NSMCE2: variants seen among roughly 807,000 people sequenced by gnomAD.
NSMCE2 encodes E3 SUMO-protein ligase NSE2.
In NSMCE2, 24 loss-of-function variants were observed where a neutral mutation model predicts 23.8. That is an observed-to-expected ratio of 1.01 (90% CI 0.73 to 1.42). The LOEUF (loss-of-function observed/expected upper bound fraction) is 1.42. NSMCE2 is among the 40% of genes most tolerant of loss of function. The pLI is 0.00. For missense variants in NSMCE2, 284 were observed against 296.5 expected, an observed-to-expected ratio of 0.96 and a Z score of 0.31; for synonymous variants, 92 against 94.1, an observed-to-expected ratio of 0.98 and a Z score of 0.13.
intron 7 of NSMCE2, 70 bp from the exon 8 acceptor site, chr8:125,366,698 C>G: frequency 1.2e-6 from 1 of 861,656 alleles, no homozygotes; most frequent in Non-Finnish European, 1.9e-6. Flanking sequence ...TACTTAAACA[C>G]TTGAGTATAA....
intron 5 of NSMCE2, among the ~76,000 whole-genome samples, chr8:125,202,590 G>A (rs552911640): frequency 6.6e-6 from 1 of 152,112 alleles, no homozygotes; most frequent in Non-Finnish European, 1.5e-5. Context: ...AGCCCACAGA[G>A]TTGTTTATGG....
intron 5 of NSMCE2, among the ~76,000 whole-genome samples, chr8:125,239,079 T>A (rs1053539942): frequency 6.6e-6 from 1 of 152,220 alleles, no homozygotes; most frequent in Non-Finnish European, 1.5e-5. Context: ...TCCTTTGATG[T>A]TAATGAGGAA....
intron 5 of NSMCE2, among the ~76,000 whole-genome samples, chr8:125,325,379 C>G (rs1829625915): frequency 6.6e-6 from 1 of 152,154 alleles, no homozygotes; most frequent in Admixed American, 6.5e-5. Context: ...ATTCTGGGGT[C>G]TCACTCTGTC....
At chr8:125,284,046 T>C (rs1827798181) in intron 5 of NSMCE2, among the ~76,000 whole-genome samples, 1 of 151,516 alleles carries the variant, frequency 6.6e-6, no homozygotes, top group Non-Finnish European at 1.5e-5. Context: ...CTCAGCTACT[T>C]GGGAGGCTTA....
chr8:125,214,926 C>G (rs573735260), intron 5 of NSMCE2, among the ~76,000 whole-genome samples: 1 of 152,258 alleles, frequency 6.6e-6, no homozygotes, highest in South Asian at 2.1e-4. Flanking sequence ...CATTAGCCAC[C>G]TCCAGAACTT....
At chr8:125,294,382 T>TG (rs1828240878) in intron 5 of NSMCE2, among the ~76,000 whole-genome samples, 1 of 72,400 alleles carries the variant, frequency 1.4e-5, no homozygotes, top group Non-Finnish European at 2.6e-5. Context: ...ACTGCCAGAC[T>TG]TTTCCAAAAG....
chr8:125,357,501 T>A (rs1813334052), intron 6 of NSMCE2, among the ~76,000 whole-genome samples, 182 bp downstream of exon 6: 1 of 152,254 alleles, frequency 6.6e-6, no homozygotes, highest in Admixed American at 6.5e-5. Flanking sequence ...CAGTCAATCA[T>A]GCCCTGAAGG....
chr8:125,202,776 ATTC>A (rs1281199400), intron 5 of NSMCE2, among the ~76,000 whole-genome samples: 2 of 152,228 alleles, frequency 1.3e-5, no homozygotes, highest in Non-Finnish European at 2.9e-5. Context: ...ATTGGCATGA[ATTC>A]TTAAGCATAA....
At chr8:125,154,774 CT>C (rs1238063425) in intron 4 of NSMCE2, among the ~76,000 whole-genome samples, 2 of 151,980 alleles carry the variant, frequency 1.3e-5, no homozygotes, top group Non-Finnish European at 1.5e-5. Flanking sequence ...CAGATACACA[CT>C]TTTTTTTAAT....
intron 5 of NSMCE2, among the ~76,000 whole-genome samples, chr8:125,196,056 T>G (rs1051432380): frequency 1.3e-5 from 2 of 151,732 alleles, no homozygotes; most frequent in African/African-American, 4.8e-5. Flanking sequence ...GATTTTTATA[T>G]TTTTAGTGGA....
At position 125,213,659 on chromosome 8, in the gene NSMCE2, CTCTCTCTT is replaced by C. The variant is rs545197986; in HGVS notation, c.418+31419_418+31426del. Reference sequence around the variant, plus strand: ...TTTTTATTTCTCTCTTTCTCTGTTTCTCTCTCTTTCTCTCTTTCTCTCTCTCTTTCTTT... The same window carrying C: ...TTTTTATTTCTCTCTTTCTCTGTTTCTCTCTCTTTCTCTCTCTCTTTCTTT... On this transcript the variant is annotated intron_variant, in intron 5 of 7. Transcript: ENST00000287437. 3.2e-3 allele frequency among the ~76,000 whole-genome samples: 469 copies of C among 147,224 alleles called. 3 individuals are homozygous for C. Among genetic ancestry groups the C allele is most frequent in the African/African-American group, 0.011 (425 of 39,866 alleles).
intron 5 of NSMCE2, among the ~76,000 whole-genome samples, chr8:125,252,351 A>C (rs1586673093): frequency 6.6e-6 from 1 of 152,246 alleles, no homozygotes; most frequent in African/African-American, 2.4e-5. Flanking sequence ...ACACGGTGAA[A>C]CCCTGTCTCT....
At chr8:125,213,565 C>T (rs1364313471) in intron 5 of NSMCE2, among the ~76,000 whole-genome samples, 2 of 128,954 alleles carry the variant, frequency 1.6e-5, no homozygotes, top group East Asian at 5.4e-4. Flanking sequence ...CCCCTTTCCC[C>T]TCCCCCTCCC....
At chr8:125,324,055 T>C (rs1422414749) in intron 5 of NSMCE2, among the ~76,000 whole-genome samples, 2 of 152,176 alleles carry the variant, frequency 1.3e-5, no homozygotes, top group Non-Finnish European at 2.9e-5. Flanking sequence ...AATATATAGA[T>C]GACAAGCACA....
intron 5 of NSMCE2, among the ~76,000 whole-genome samples, chr8:125,277,994 A>G (rs901480835): frequency 6.6e-6 from 1 of 152,178 alleles, no homozygotes; most frequent in African/African-American, 2.4e-5. Flanking sequence ...AATATGTTAG[A>G]TATGGTATCA....
At chr8:125,211,423 A>C (rs558996191) in intron 5 of NSMCE2, among the ~76,000 whole-genome samples, 1 of 152,342 alleles carries the variant, frequency 6.6e-6, no homozygotes, top group South Asian at 2.1e-4. Context: ...ATTCCATATC[A>C]GTACATATAG....
At chr8:125,140,466 C>T (rs1425948239) in intron 3 of NSMCE2, among the ~76,000 whole-genome samples, 2 of 152,102 alleles carry the variant, frequency 1.3e-5, no homozygotes, top group Admixed American at 1.3e-4. Flanking sequence ...AGTTTGAGAC[C>T]AGCCTGGCCA....
At chr8:125,361,140 G>A (rs1813534115) in intron 7 of NSMCE2, among the ~76,000 whole-genome samples, 1 of 145,098 alleles carries the variant, frequency 6.9e-6, no homozygotes, top group African/African-American at 2.6e-5. Flanking sequence ...CTCCCAGGCT[G>A]GAGTACAACC....
At chr8:125,267,003 C>CTTTTTTTTTTTTTTTTT (rs35990794) in intron 5 of NSMCE2, among the ~76,000 whole-genome samples, 2 of 111,988 alleles carry the variant, frequency 1.8e-5, no homozygotes, top group Non-Finnish European at 1.8e-5. Context: ...TTTTTTCTTT[C>CTTTTTTTTTTTTTTTTT]TTTTTTTTTT....
Sources: gnomAD v4.1 joint callset for allele counts (sites outside exome capture counted in the v4.1 genomes callset) on GRCh38, gnomAD v4.1.1 for gene constraint, MANE v1.5 for transcripts, NCBI Gene and HGNC (gene_info 2026-07-23, HGNC 2026-07-21) for gene names.